ITPR1: variants seen among roughly 807,000 people sequenced by gnomAD.
ITPR1 encodes inositol 1,4,5-trisphosphate receptor type 1, also known as inositol 1,4,5-trisphosphate-gated calcium channel ITPR1.
ITPR1 carries 96 observed loss-of-function variants against 318.4 expected under a neutral mutation model. The ratio of observed to expected loss-of-function variants is 0.30; its 90% CI spans 0.26 to 0.36. ITPR1 has a LOEUF of 0.36. Ranked by LOEUF, ITPR1 falls within the 10% of genes least tolerant of loss-of-function variation. ITPR1 has a pLI of 1.00. For missense variants in ITPR1, 2,440 were observed against 3,460.2 expected, an observed-to-expected ratio of 0.71 and a Z score of 7.40; for synonymous variants, 1,312 against 1,289.9, an observed-to-expected ratio of 1.02 and a Z score of -0.37.
At chr3:4,622,032 G>C (rs925629532) in intron 4 of ITPR1, among the ~76,000 whole-genome samples, 2 of 151,372 alleles carry the variant, frequency 1.3e-5, no homozygotes, top group East Asian at 3.9e-4. Context: ...CCTGTCACTG[G>C]TATTGTGGTA....
chr3:4,800,360 T>TAC, intron 53 of ITPR1, 65 bp from the exon 54 acceptor site: 2 of 1,513,732 alleles, frequency 1.3e-6, no homozygotes, highest in Non-Finnish European at 1.8e-6. Flanking sequence ...GTGCATGTTT[T>TAC]AGGTCTGTCC....
chr3:4,759,237 G>A (rs1032237994), intron 44 of ITPR1, among the ~76,000 whole-genome samples: 1 of 152,222 alleles, frequency 6.6e-6, no homozygotes, highest in Non-Finnish European at 1.5e-5. Context: ...TTGCAGGGCT[G>A]GGGGAGGATG....
At chr3:4,656,321 AAACCAT>A (rs1317407970) in intron 12 of ITPR1, among the ~76,000 whole-genome samples, 1 of 152,244 alleles carries the variant, frequency 6.6e-6, no homozygotes, top group Non-Finnish European at 1.5e-5. Context: ...CCTGTGTCTC[AAACCAT>A]AGCCAGGTCA....
chr3:4,825,435 C>T (rs1280853792), intron 60 of ITPR1, among the ~76,000 whole-genome samples: 1 of 152,108 alleles, frequency 6.6e-6, no homozygotes, highest in African/African-American at 2.4e-5. Context: ...CTGAGAGCTG[C>T]GGGTAATTTG....
chr3:4,813,079 C>T, intron 56 of ITPR1, 63 bp from the exon 57 acceptor site: 1 of 1,215,910 alleles, frequency 8.2e-7, no homozygotes, highest in Non-Finnish European at 1.2e-6. Flanking sequence ...GAATTGGGGA[C>T]TTCAAACATT....
intron 18 of ITPR1, 71 bp from the exon 19 acceptor site, chr3:4,669,579 TAAGG>T: frequency 6.9e-7 from 1 of 1,457,880 alleles, no homozygotes; most frequent in Non-Finnish European, 9.3e-7. Context: ...CCTGTGCACT[TAAGG>T]AAGAATTGGG....
intron 2 of ITPR1, among the ~76,000 whole-genome samples, chr3:4,498,886 T>C (rs1352827424): frequency 1.3e-5 from 2 of 152,254 alleles, no homozygotes; most frequent in African/African-American, 4.8e-5. Context: ...TATTCTGCTC[T>C]CCAGCATCCT....
chr3:4,537,296 A>G (rs1242601606), intron 4 of ITPR1, among the ~76,000 whole-genome samples: 1 of 152,220 alleles, frequency 6.6e-6, no homozygotes. Flanking sequence ...TTAACTACTG[A>G]TTCACATTCC....
In ITPR1 at chr3:4,571,361, G is replaced by T. The variant is rs528378561; in HGVS notation, c.163+50267G>T. On this transcript the variant is annotated intron_variant, in intron 4 of 61. Transcript: ENST00000649015. ...TCCCTTTTTTTCTTTTGTTTCTTTGGAAAGGGTCTTGCTCTGTCACCCAAG... is the reference window on the plus strand; with the variant it reads ...TCCCTTTTTTTCTTTTGTTTCTTTGTAAAGGGTCTTGCTCTGTCACCCAAG... 2.0e-5 allele frequency among the ~76,000 whole-genome samples: 3 copies of T among 151,352 alleles called. No homozygotes were observed. In the South Asian group the frequency reaches 6.3e-4, roughly 32 times the overall value.
At chr3:4,820,647 C>T (rs2049640486) in intron 60 of ITPR1, among the ~76,000 whole-genome samples, 1 of 152,176 alleles carries the variant, frequency 6.6e-6, no homozygotes, top group Non-Finnish European at 1.5e-5. Context: ...TGTCAGAAAA[C>T]CTAAAAATCT....
chr3:4,590,150 C>A (rs972198635), intron 4 of ITPR1, among the ~76,000 whole-genome samples: 9 of 151,672 alleles, frequency 5.9e-5, no homozygotes, highest in South Asian at 2.1e-4. Context: ...CTGCTTCCCC[C>A]CTTTGTGTCT....
chr3:4,706,123 C>A, intron 36 of ITPR1, 44 bp from the exon 37 acceptor site: 1 of 1,608,642 alleles, frequency 6.2e-7, no homozygotes, highest in Non-Finnish European at 8.5e-7. Flanking sequence ...TAGGGTGTCC[C>A]CCATAAAAGT....
intron 5 of ITPR1, among the ~76,000 whole-genome samples, chr3:4,632,117 A>C (rs2093033365): frequency 6.6e-6 from 1 of 152,228 alleles, no homozygotes; most frequent in Non-Finnish European, 1.5e-5. Context: ...TCACTGCAGC[A>C]ATCCATAATC....
At chr3:4,503,468 G>C (rs1010411522) in intron 2 of ITPR1, among the ~76,000 whole-genome samples, 2 of 152,208 alleles carry the variant, frequency 1.3e-5, no homozygotes, top group African/African-American at 4.8e-5. Context: ...ACAAATGTTT[G>C]CAGAAGGCGT....
chr3:4,534,945 A>C (rs1432330133), intron 4 of ITPR1, among the ~76,000 whole-genome samples: 1 of 152,184 alleles, frequency 6.6e-6, no homozygotes, highest in East Asian at 1.9e-4. Context: ...GTCGACAAAG[A>C]ATACGGGGTT....
At chr3:4,599,177 C>T (rs1003021768) in intron 4 of ITPR1, among the ~76,000 whole-genome samples, 4 of 152,070 alleles carry the variant, frequency 2.6e-5, no homozygotes, top group Admixed American at 6.6e-5. Context: ...TTGTTAGTCC[C>T]GGTTTGCTGA....
intron 16 of ITPR1, 67 bp from the exon 17 acceptor site, chr3:4,665,071 T>A: frequency 1.3e-6 from 2 of 1,563,230 alleles, no homozygotes; most frequent in Non-Finnish European, 1.8e-6. Context: ...TTGCATTACT[T>A]CCAAACAGAG....
At chr3:4,570,093 G>A (rs993635950) in intron 4 of ITPR1, among the ~76,000 whole-genome samples, 2 of 152,000 alleles carry the variant, frequency 1.3e-5, no homozygotes, top group African/African-American at 4.8e-5. Context: ...TACTATTTCA[G>A]TATAGAAAAC....
At chr3:4,715,538 G>A (rs974403394) in intron 39 of ITPR1, among the ~76,000 whole-genome samples, 3 of 152,166 alleles carry the variant, frequency 2.0e-5, no homozygotes, top group African/African-American at 4.8e-5. Context: ...TGGGTCCAGT[G>A]CCCCCAAGAA....
Sources: gnomAD v4.1 joint callset for allele counts (sites outside exome capture counted in the v4.1 genomes callset) on GRCh38, gnomAD v4.1.1 for gene constraint, MANE v1.5 for transcripts, NCBI Gene and HGNC (gene_info 2026-07-23, HGNC 2026-07-21) for gene names.